The following CAMK4 variants were observed in gnomAD, a reference collection of about 807,000 sequenced individuals.
CAMK4 encodes the protein calcium/calmodulin-dependent protein kinase type IV.
Under a neutral mutation model 44.9 loss-of-function variants are expected in CAMK4, and 22 were observed. The ratio of observed to expected loss-of-function variants is 0.49; its 90% CI spans 0.35 to 0.70. The LOEUF (loss-of-function observed/expected upper bound fraction) is 0.70. Ranked by LOEUF, CAMK4 falls within the 30% of genes least tolerant of loss-of-function variation. The pLI is 0.01. For missense variants in CAMK4, 498 were observed against 586.8 expected (o/e 0.85, Z 1.56); for synonymous variants, 218 against 215.4 (o/e 1.01, Z -0.11).
intron 1 of CAMK4, among the ~76,000 whole-genome samples, chr5:111,228,512 GT>G (rs1561347563): frequency 8.3e-4 from 104 of 124,660 alleles, no homozygotes; most frequent in African/African-American, 3.3e-3. Flanking sequence ...AGTAAGGGGT[GT>G]GTGTGTGTGT....
intron 2 of CAMK4, among the ~76,000 whole-genome samples, chr5:111,368,810 A>G (rs1010115301): frequency 6.6e-6 from 1 of 151,796 alleles, no homozygotes; most frequent in Non-Finnish European, 1.5e-5. Flanking sequence ...GGAGATTCTT[A>G]TTTGCTTCAC....
chr5:111,354,445 C>CAA (rs58501236), intron 2 of CAMK4, among the ~76,000 whole-genome samples: 21,981 of 124,958 alleles, frequency 0.18, 3,282 homozygotes, highest in African/African-American at 0.4. Context: ...ATTCTCACCA[C>CAA]AAAAAAAAAA....
At chr5:111,318,844 A>C (rs577247439) in intron 1 of CAMK4, among the ~76,000 whole-genome samples, 1 of 152,206 alleles carries the variant, frequency 6.6e-6, no homozygotes, top group Non-Finnish European at 1.5e-5. Flanking sequence ...GTATAATTTT[A>C]TCAGTCTTAT....
chr5:111,311,858 G>T (rs182554147), intron 1 of CAMK4, among the ~76,000 whole-genome samples: 1 of 151,992 alleles, frequency 6.6e-6, no homozygotes, highest in Non-Finnish European at 1.5e-5. Context: ...CCTAATCTTC[G>T]GTAGCAGTGA....
intron 7 of CAMK4, among the ~76,000 whole-genome samples, chr5:111,468,411 T>C (rs1754922178): frequency 6.6e-6 from 1 of 152,238 alleles, no homozygotes; most frequent in Non-Finnish European, 1.5e-5. Flanking sequence ...AGAAAAGATA[T>C]GAAGGACAGC....
chr5:111,264,921 G>A (rs554732584), intron 1 of CAMK4, among the ~76,000 whole-genome samples: 10 of 152,174 alleles, frequency 6.6e-5, no homozygotes, highest in Non-Finnish European at 1.2e-4. Context: ...TTCCATGACT[G>A]GCTTTCTTGC....
At chr5:111,309,289 G>C (rs1748097643) in intron 1 of CAMK4, among the ~76,000 whole-genome samples, 1 of 152,146 alleles carries the variant, frequency 6.6e-6, no homozygotes, top group African/African-American at 2.4e-5. Context: ...ATGTAGGAGA[G>C]GAAAACCTTT....
intron 1 of CAMK4, among the ~76,000 whole-genome samples, chr5:111,308,878 A>G (rs889602833): frequency 6.6e-6 from 1 of 152,202 alleles, no homozygotes; most frequent in Non-Finnish European, 1.5e-5. Context: ...TAGATGAAAA[A>G]TAATTGAGAT....
chr5:111,455,794 A>G (rs191593108), intron 7 of CAMK4, among the ~76,000 whole-genome samples: 6 of 152,310 alleles, frequency 3.9e-5, no homozygotes, highest in Admixed American at 1.3e-4. Flanking sequence ...ATGCTTTACT[A>G]GGCTTGGAAG....
At chr5:111,313,494 G>A (rs1748296574) in intron 1 of CAMK4, among the ~76,000 whole-genome samples, 1 of 152,040 alleles carries the variant, frequency 6.6e-6, no homozygotes, top group South Asian at 2.1e-4. Context: ...AATGAGTAAA[G>A]CAGGGTGACT....
At chr5:111,422,103 C>T (rs1753053517) in intron 5 of CAMK4, among the ~76,000 whole-genome samples, 1 of 152,170 alleles carries the variant, frequency 6.6e-6, no homozygotes, top group Non-Finnish European at 1.5e-5. Flanking sequence ...CGGACTAATA[C>T]AGACATCTTA....
At chr5:111,443,265 T>C (rs1014215475) in intron 5 of CAMK4, among the ~76,000 whole-genome samples, 1 of 49,054 alleles carries the variant, frequency 2.0e-5, no homozygotes, top group Non-Finnish European at 3.9e-5. Flanking sequence ...TATATATATA[T>C]ATATATATAT....
At chr5:111,443,954 T>C (rs191908942) in intron 5 of CAMK4, among the ~76,000 whole-genome samples, 1 of 152,336 alleles carries the variant, frequency 6.6e-6, no homozygotes, top group Non-Finnish European at 1.5e-5. Flanking sequence ...ATCTTCCTTC[T>C]TGGGGACACC....
chr5:111,338,777 T>C (rs1749516576), intron 1 of CAMK4, among the ~76,000 whole-genome samples: 1 of 151,474 alleles, frequency 6.6e-6, no homozygotes, highest in South Asian at 2.1e-4. Flanking sequence ...TGTAGGTGTG[T>C]GGCTTTATTT....
intron 5 of CAMK4, 59 bp from the exon 6 acceptor site, chr5:111,446,627 A>G: frequency 1.2e-6 from 1 of 836,362 alleles, no homozygotes; most frequent in East Asian, 2.5e-5. Context: ...GATTAAGTAT[A>G]GACATTCGAA....
chr5:111,224,336 A>G, upstream of CAMK4: 1 of 1,177,902 alleles, frequency 8.5e-7, no homozygotes, highest in Non-Finnish European at 1.1e-6. This position sits in a 1 kb window ranked among gnomAD's most constrained non-coding sequence, Gnocchi z 5.7. Context: ...CGTCCCTGCG[A>G]GCGCGGGCGG....
intron 8 of CAMK4, among the ~76,000 whole-genome samples, chr5:111,476,108 C>G (rs1755225767): frequency 6.6e-6 from 1 of 151,538 alleles, no homozygotes; most frequent in African/African-American, 2.4e-5. Context: ...TACATAAACT[C>G]TGGGGCTGTT....
intron 1 of CAMK4, among the ~76,000 whole-genome samples, chr5:111,227,904 GGCTCCAGAT>G (rs1561347097): frequency 6.6e-6 from 1 of 152,086 alleles, no homozygotes; most frequent in African/African-American, 2.4e-5. Flanking sequence ...TCCTATTCAG[GGCTCCAGAT>G]CCTCGAGAGC....
In CAMK4 at chr5:111,478,519, CA is replaced by C; in HGVS notation, c.828+16del. On this transcript the variant is annotated intron_variant, in intron 9 of 10. Transcript: ENST00000282356. ...ATGCCAAGGACTTGGTAAGTGTAAC[CA>C]AAACAAAATGAAACAAAATGAAATA... 1 of 1,413,570 alleles carries C rather than the reference CA, an allele frequency of 7.1e-7. No homozygotes were observed. Among genetic ancestry groups the C allele is most frequent in the Non-Finnish European group, 9.6e-7 (1 of 1,043,464 alleles). The allele number at this position is 1,413,570 out of a possible 1,614,324, so 87.6% of individuals were successfully genotyped here.
Sources: allele counts gnomAD v4.1 joint callset (sites outside exome capture counted in the v4.1 genomes callset), GRCh38; gene constraint gnomAD v4.1.1; non-coding constraint Gnocchi (gnomAD v3.1); transcripts MANE v1.5; gene names NCBI Gene and HGNC (gene_info 2026-07-23, HGNC 2026-07-21).